UBE2V2: variants seen among roughly 807,000 people sequenced by gnomAD.
UBE2V2 encodes the protein ubiquitin conjugating enzyme E2 V2.
A neutral mutation model predicts 17.2 loss-of-function variants in UBE2V2; 9 were observed. The ratio of observed to expected loss-of-function variants is 0.52; its 90% CI spans 0.32 to 0.91. The LOEUF is 0.91. Among genes scored for constraint, UBE2V2 ranks in the 40% least tolerant of loss-of-function variants. UBE2V2 has a pLI of 0.04. For synonymous variants in UBE2V2, 61 were observed against 57.5 expected (o/e 1.06, Z -0.28); for missense variants, 133 against 182.6 (o/e 0.73, Z 1.56).
At chr8:48,033,183 C>A (rs1233546932) in intron 1 of UBE2V2, among the ~76,000 whole-genome samples, 1 of 151,910 alleles carries the variant, frequency 6.6e-6, no homozygotes, top group Non-Finnish European at 1.5e-5. Flanking sequence ...TTTTTTTATT[C>A]TTTTTCCATT....
At chr8:48,017,562 G>A (rs972808914) in intron 1 of UBE2V2, among the ~76,000 whole-genome samples, 4 of 151,784 alleles carry the variant, frequency 2.6e-5, no homozygotes, top group African/African-American at 7.3e-5. Context: ...TAGTAGAGAC[G>A]GGATTTCTCC....
chr8:48,003,312 A>G, the UBE2V2 span, among the ~76,000 whole-genome samples: 1 of 152,312 alleles, frequency 6.6e-6, no homozygotes, highest in African/African-American at 2.4e-5. Flanking sequence ...AGCACTGGGA[A>G]TTAACCATCA....
At chr8:48,033,530 G>A (rs1437897648) in intron 1 of UBE2V2, among the ~76,000 whole-genome samples, 1 of 151,888 alleles carries the variant, frequency 6.6e-6, no homozygotes, top group Non-Finnish European at 1.5e-5. Flanking sequence ...TGTATTTAAG[G>A]CATATATATC....
At chr8:48,051,882 C>G (rs1289914096) in intron 3 of UBE2V2, among the ~76,000 whole-genome samples, 2 of 151,952 alleles carry the variant, frequency 1.3e-5, no homozygotes, top group Non-Finnish European at 2.9e-5. Context: ...CCATTAACAC[C>G]CCCCCACCCC....
chr8:48,014,123 C>T (rs1012558218), intron 1 of UBE2V2, among the ~76,000 whole-genome samples: 20 of 152,108 alleles, frequency 1.3e-4, no homozygotes, highest in Admixed American at 3.9e-4. Flanking sequence ...CCATAACTGG[C>T]CTGGTTGATT....
At chr8:48,046,442 A>G (rs1309850334) in intron 2 of UBE2V2, among the ~76,000 whole-genome samples, 1 of 151,894 alleles carries the variant, frequency 6.6e-6, no homozygotes, top group African/African-American at 2.4e-5. Context: ...TAGTGGGGAC[A>G]GGGTTTCTCC....
At chr8:48,008,949 C>T (rs1266362208) in intron 1 of UBE2V2, among the ~76,000 whole-genome samples, 1 of 152,152 alleles carries the variant, frequency 6.6e-6, no homozygotes, top group East Asian at 1.9e-4. Flanking sequence ...AGGACGATTG[C>T]TCCTTAAAAT....
intron 3 of UBE2V2, among the ~76,000 whole-genome samples, chr8:48,054,383 C>G (rs1027419048): frequency 1.3e-5 from 2 of 152,144 alleles, no homozygotes; most frequent in African/African-American, 2.4e-5. Context: ...TAACAGGACC[C>G]TCTGAATGTA....
At chr8:48,010,738 C>T (rs1231124431) in intron 1 of UBE2V2, among the ~76,000 whole-genome samples, 1 of 142,430 alleles carries the variant, frequency 7.0e-6, no homozygotes, top group Admixed American at 7.3e-5. Flanking sequence ...CGCTTCTTTG[C>T]CCAGGCTGGA....
intron 1 of UBE2V2, among the ~76,000 whole-genome samples, chr8:48,021,658 C>A (rs569117869): frequency 8.6e-5 from 13 of 151,512 alleles, no homozygotes; most frequent in Non-Finnish European, 1.6e-4. Flanking sequence ...TCCCAAAGTG[C>A]TGGGATTACA....
At position 48,035,069 on chromosome 8, in the gene UBE2V2, C is replaced by T. The variant is rs1430928599; in HGVS notation, c.17-7964C>T. 3.0e-6 allele frequency: 3 copies of T among 984,598 alleles called. No individual in the cohort carries two copies. In the African/African-American group the frequency reaches 5.3e-5, roughly 17 times the overall value. The allele number at this position is 984,598 out of a possible 1,614,324, so 61.0% of individuals were successfully genotyped here. On this transcript the variant is annotated intron_variant, in intron 1 of 3. Transcript: ENST00000523111. Reference sequence around the variant, plus strand: ...TAGCATTCCTCTTACAAGGTGAGTGCCAGAACTGGCCTTAGCATTGCTGCT... The same window carrying T: ...TAGCATTCCTCTTACAAGGTGAGTGTCAGAACTGGCCTTAGCATTGCTGCT...
At chr8:48,003,639 T>TG (rs1442487866), upstream of UBE2V2, among the ~76,000 whole-genome samples, 1 of 152,182 alleles carries the variant, frequency 6.6e-6, no homozygotes, top group Non-Finnish European at 1.5e-5. Flanking sequence ...AAAAGTCAAG[T>TG]GGATTAAAAT....
chr8:48,039,089 C>T (rs549934550), intron 1 of UBE2V2, among the ~76,000 whole-genome samples: 16 of 148,578 alleles, frequency 1.1e-4, no homozygotes, highest in South Asian at 1.1e-3. Context: ...TTAGTAGAGA[C>T]GGGTTTGACC....
At chr8:48,051,618 T>A (rs1012821721) in intron 3 of UBE2V2, among the ~76,000 whole-genome samples, 2 of 152,204 alleles carry the variant, frequency 1.3e-5, no homozygotes, top group African/African-American at 2.4e-5. Context: ...GAAACCTGGC[T>A]CCCATGCTTC....
chr8:48,014,517 C>T (rs1157673150), intron 1 of UBE2V2, among the ~76,000 whole-genome samples: 1 of 151,394 alleles, frequency 6.6e-6, no homozygotes, highest in African/African-American at 2.4e-5. Flanking sequence ...TGGTGATGGG[C>T]GCCTGTAGTC....
the UBE2V2 span, among the ~76,000 whole-genome samples, chr8:48,001,686 C>T: frequency 6.6e-6 from 1 of 152,198 alleles, no homozygotes. Context: ...AAACAACCCA[C>T]AGAATGGGAG....
chr8:48,004,449 A>C (rs984834964), upstream of UBE2V2, among the ~76,000 whole-genome samples: 4 of 151,708 alleles, frequency 2.6e-5, no homozygotes, highest in African/African-American at 4.8e-5. Context: ...TGGCTTGTCA[A>C]GTTACAGTGG....
At chr8:48,045,973 T>A (rs186689627) in intron 2 of UBE2V2, among the ~76,000 whole-genome samples, 3 of 152,152 alleles carry the variant, frequency 2.0e-5, no homozygotes, top group African/African-American at 7.2e-5. Flanking sequence ...TGAGACAGAG[T>A]TTGGCTCTTG....
intron 1 of UBE2V2, among the ~76,000 whole-genome samples, chr8:48,010,267 C>T (rs1359807646): frequency 4.1e-5 from 6 of 147,034 alleles, no homozygotes; most frequent in Admixed American, 1.4e-4. Context: ...GATGGAGTCT[C>T]GCTGCATTGC....
Sources: allele counts gnomAD v4.1 joint callset (sites outside exome capture counted in the v4.1 genomes callset), GRCh38; gene constraint gnomAD v4.1.1; transcripts MANE v1.5; gene names NCBI Gene and HGNC (gene_info 2026-07-23, HGNC 2026-07-21).